The following CDH13 variants were observed in gnomAD, a reference collection of about 807,000 sequenced individuals.
The protein encoded by CDH13 is cadherin 13, also known as cadherin-13.
A neutral mutation model predicts 63.8 loss-of-function variants in CDH13; 24 were observed. The ratio of observed to expected loss-of-function variants is 0.38; its 90% CI spans 0.27 to 0.53. The LOEUF is 0.53. Among genes scored for constraint, CDH13 ranks in the 20% least tolerant of loss-of-function variants. The pLI, the probability that CDH13 is intolerant of heterozygous loss-of-function variation, is 0.85. For synonymous variants in CDH13, 503 were observed against 355.3 expected, an observed-to-expected ratio of 1.42 and a Z score of -4.67; for missense variants, 1,049 against 903.1, an observed-to-expected ratio of 1.16 and a Z score of -2.07.
chr16:83,101,240 A>G (rs1465012863), intron 3 of CDH13, among the ~76,000 whole-genome samples: 1 of 150,586 alleles, frequency 6.6e-6, no homozygotes, highest in Non-Finnish European at 1.5e-5. Context: ...TATACTATAT[A>G]CTATAAGTAT....
At chr16:82,936,805 C>T (rs2042682210) in intron 2 of CDH13, among the ~76,000 whole-genome samples, 2 of 149,800 alleles carry the variant, frequency 1.3e-5, no homozygotes, top group South Asian at 2.1e-4. Flanking sequence ...GTCTTGTGTG[C>T]GTTTAGGGAA....
chr16:83,542,320 G>T (rs2075309519), intron 7 of CDH13, among the ~76,000 whole-genome samples: 1 of 152,156 alleles, frequency 6.6e-6, no homozygotes, highest in Admixed American at 6.5e-5. Context: ...GTGCAGCCAG[G>T]ATTGCAAACT....
intron 5 of CDH13, among the ~76,000 whole-genome samples, chr16:83,339,882 C>A (rs2090683832): frequency 6.6e-6 from 1 of 152,338 alleles, no homozygotes; most frequent in Non-Finnish European, 1.5e-5. Context: ...TTACCCACTT[C>A]CCTGGATGAT....
intron 6 of CDH13, among the ~76,000 whole-genome samples, chr16:83,349,804 T>A (rs1019456862): frequency 6.6e-6 from 1 of 152,078 alleles, no homozygotes; most frequent in African/African-American, 2.4e-5. Context: ...TTTCACCACA[T>A]TGGCCAGGCT....
chr16:82,899,749 TCAA>T (rs2041396270), intron 2 of CDH13, among the ~76,000 whole-genome samples: 1 of 152,106 alleles, frequency 6.6e-6, no homozygotes, highest in Non-Finnish European at 1.5e-5. Context: ...CATTCCTTTG[TCAA>T]CAAGGACATA....
intron 7 of CDH13, among the ~76,000 whole-genome samples, chr16:83,537,347 C>G (rs73607804): frequency 0.024 from 3,608 of 152,212 alleles, 142 homozygotes; most frequent in African/African-American, 0.083. Context: ...CATGGCAATC[C>G]CTGTGTAGAA....
chr16:82,725,093 T>C (rs1307872186), intron 1 of CDH13, among the ~76,000 whole-genome samples: 1 of 151,994 alleles, frequency 6.6e-6, no homozygotes, highest in Non-Finnish European at 1.5e-5. Flanking sequence ...GTGATGATGG[T>C]GTTGATGGTT....
chr16:83,569,213 C>G (rs1281839949), intron 7 of CDH13, among the ~76,000 whole-genome samples: 1 of 152,146 alleles, frequency 6.6e-6, no homozygotes, highest in African/African-American at 2.4e-5. Flanking sequence ...ACCTGGGAGA[C>G]TCCTGCTGAT....
At chr16:83,599,121 G>A (rs548380801) in intron 7 of CDH13, among the ~76,000 whole-genome samples, 1 of 152,192 alleles carries the variant, frequency 6.6e-6, no homozygotes, top group Non-Finnish European at 1.5e-5. Context: ...TATAACATAG[G>A]TACCAGAAGA....
chr16:82,746,576 C>A (rs911628245), intron 1 of CDH13, among the ~76,000 whole-genome samples: 25 of 151,928 alleles, frequency 1.6e-4, no homozygotes, highest in African/African-American at 6.0e-4. Context: ...ACTAATTGTA[C>A]TAATTTATGA....
rs1904288688 is a variant in CDH13, at chr16:83,797,634, A to G, written c.*2604A>G. 1 of 152,192 alleles carries G rather than the reference A, an allele frequency of 6.6e-6. No homozygotes were observed. The highest frequency in any genetic ancestry group is 2.1e-4 in the South Asian group (1 of 4,826). The allele number at this position is 152,192 out of a possible 1,614,324, so 9.4% of individuals were successfully genotyped here. On this transcript the variant is annotated 3_prime_UTR_variant, in exon 14 of 14. Coordinates refer to ENST00000567109, the MANE Select transcript of CDH13 (RefSeq NM_001257.5). ...GAATATATTACATTGTTTACTGAAAACCATAGTAGAATCAAAATGTTATTT... is the reference window on the plus strand; with the variant it reads ...GAATATATTACATTGTTTACTGAAAGCCATAGTAGAATCAAAATGTTATTT...
intron 3 of CDH13, among the ~76,000 whole-genome samples, chr16:83,113,617 A>T (rs753803344): frequency 8.5e-5 from 13 of 152,234 alleles, no homozygotes; most frequent in Admixed American, 5.9e-4. Flanking sequence ...AAGCTGAGAC[A>T]GGGCTCTAGG....
intron 4 of CDH13, among the ~76,000 whole-genome samples, chr16:83,134,882 G>T (rs2036215458): frequency 6.6e-6 from 1 of 152,156 alleles, no homozygotes; most frequent in South Asian, 2.1e-4. Flanking sequence ...AGGCATCTGA[G>T]CCCAAGGAGG....
intron 2 of CDH13, among the ~76,000 whole-genome samples, chr16:83,007,256 T>G (rs1451789998): frequency 3.3e-5 from 5 of 152,222 alleles, no homozygotes; most frequent in Non-Finnish European, 7.3e-5. Context: ...TGATGTTATG[T>G]TCATTGACAC....
At chr16:82,883,583 G>T (rs1051835955) in intron 2 of CDH13, among the ~76,000 whole-genome samples, 9 of 152,198 alleles carry the variant, frequency 5.9e-5, no homozygotes, top group African/African-American at 2.2e-4. Context: ...AGTCTAGACA[G>T]TAGGCATCTT....
chr16:82,874,728 C>A (rs763941103), intron 2 of CDH13, among the ~76,000 whole-genome samples: 18 of 152,224 alleles, frequency 1.2e-4, no homozygotes, highest in Non-Finnish European at 5.9e-5. Context: ...GTCAAAACCT[C>A]CCAGGAATAT....
At chr16:82,737,131 C>T (rs530886100) in intron 1 of CDH13, among the ~76,000 whole-genome samples, 1 of 152,344 alleles carries the variant, frequency 6.6e-6, no homozygotes, top group African/African-American at 2.4e-5. Context: ...GCCTTGAACC[C>T]TCTAGAACAA....
At chr16:83,696,170 C>T (rs973514017) in intron 10 of CDH13, among the ~76,000 whole-genome samples, 1 of 152,294 alleles carries the variant, frequency 6.6e-6, no homozygotes, top group South Asian at 2.1e-4. Flanking sequence ...GGATTACAGA[C>T]GTGAGCCACC....
chr16:83,271,758 A>ATAATAAATAAATAAATTATTTAT (rs1282892296), intron 5 of CDH13, among the ~76,000 whole-genome samples: 3 of 152,182 alleles, frequency 2.0e-5, no homozygotes, highest in African/African-American at 7.2e-5. Flanking sequence ...ATTTAGGATA[A>ATAATAAATAAATAAATTATTTAT]TTAGAGAAAA....
Sources: gnomAD v4.1 joint callset for allele counts (sites outside exome capture counted in the v4.1 genomes callset) on GRCh38, gnomAD v4.1.1 for gene constraint, MANE v1.5 for transcripts, NCBI Gene and HGNC (gene_info 2026-07-23, HGNC 2026-07-21) for gene names.